The following DCC variants were observed in gnomAD, a reference collection of about 807,000 sequenced individuals.
DCC encodes the protein netrin receptor DCC.
Under a neutral mutation model 172.5 loss-of-function variants are expected in DCC, and 58 were observed. The observed-to-expected ratio is 0.34, with a 90% CI of 0.27 to 0.42. The LOEUF (loss-of-function observed/expected upper bound fraction) is 0.42, where lower values mean the gene tolerates loss of function less well. DCC is among the 10% of genes least tolerant of loss of function. The pLI, the probability that DCC is intolerant of heterozygous loss-of-function variation, is 1.00. For synonymous variants in DCC, 709 were observed against 644.5 expected (o/e 1.10, Z -1.52); for missense variants, 1,740 against 1,791.0 (o/e 0.97, Z 0.51).
At chr18:53,474,910 G>A (rs887462979) in intron 25 of DCC, among the ~76,000 whole-genome samples, 5 of 152,216 alleles carry the variant, frequency 3.3e-5, no homozygotes, top group Non-Finnish European at 7.3e-5. Context: ...CTTGTTGAAT[G>A]GCTTTGGCCA....
intron 2 of DCC, among the ~76,000 whole-genome samples, chr18:52,808,938 C>T (rs751824339): frequency 6.6e-6 from 1 of 152,136 alleles, no homozygotes; most frequent in Non-Finnish European, 1.5e-5. Flanking sequence ...AAATTTTTGG[C>T]ATGGGGATCT....
Position 53,271,594 on chromosome 18 carries a change from C to T in DCC, c.1912-33984C>T, listed in dbSNP as rs113590931. Among the ~76,000 whole-genome samples, 78 of 152,282 alleles carry T rather than the reference C, an allele frequency of 5.1e-4. 1 individual carries two copies. The highest frequency in any genetic ancestry group is 1.4e-3 in the African/African-American group (60 of 41,564). On this transcript the variant is annotated intron_variant, in intron 12 of 28. Coordinates refer to ENST00000442544, the MANE Select transcript of DCC (RefSeq NM_005215.4). ...GACATCTGTTCCTTGCTCCATGGACCTCTCCATAGGGCAGGTCATAGCAAG... is the reference window on the plus strand; with the variant it reads ...GACATCTGTTCCTTGCTCCATGGACTTCTCCATAGGGCAGGTCATAGCAAG...
intron 12 of DCC, among the ~76,000 whole-genome samples, chr18:53,230,218 A>T (rs915481447): frequency 6.6e-6 from 1 of 152,120 alleles, no homozygotes; most frequent in Non-Finnish European, 1.5e-5. Context: ...AATTATAGAC[A>T]TTTATCCTGC....
intron 1 of DCC, among the ~76,000 whole-genome samples, chr18:52,411,042 C>T (rs752948643): frequency 6.6e-6 from 1 of 152,124 alleles, no homozygotes; most frequent in Admixed American, 6.6e-5. Flanking sequence ...CAGTTTACTT[C>T]GGAATTCATA....
chr18:52,983,750 A>T (rs117454086), intron 5 of DCC, among the ~76,000 whole-genome samples: 40 of 152,324 alleles, frequency 2.6e-4, no homozygotes, highest in Non-Finnish European at 4.6e-4. Flanking sequence ...TGCCTAGAGC[A>T]GTCTGGAATT....
intron 12 of DCC, among the ~76,000 whole-genome samples, chr18:53,233,087 C>G (rs1409004013): frequency 6.6e-6 from 1 of 152,000 alleles, no homozygotes; most frequent in Non-Finnish European, 1.5e-5. Flanking sequence ...CTCATATAGT[C>G]CTGATGAACT....
At chr18:53,381,597 G>A (rs987584526) in intron 15 of DCC, among the ~76,000 whole-genome samples, 4 of 107,184 alleles carry the variant, frequency 3.7e-5, no homozygotes, top group African/African-American at 7.5e-5. Flanking sequence ...ATCATATAAA[G>A]TTTCTAGTTT....
intron 2 of DCC, among the ~76,000 whole-genome samples, chr18:52,836,965 C>G (rs2038717924): frequency 6.6e-6 from 1 of 152,220 alleles, no homozygotes; most frequent in African/African-American, 2.4e-5. Context: ...GCAGAGCTTT[C>G]CAAACCTCAA....
intron 1 of DCC, among the ~76,000 whole-genome samples, chr18:52,399,175 C>A (rs889853387): frequency 3.3e-5 from 5 of 151,872 alleles, no homozygotes; most frequent in Non-Finnish European, 7.4e-5. Flanking sequence ...TAGCAAGCTC[C>A]TTCACATATT....
At chr18:52,341,410 T>C (rs1441857036) in intron 1 of DCC, among the ~76,000 whole-genome samples, 8 of 152,164 alleles carry the variant, frequency 5.3e-5, no homozygotes, top group African/African-American at 1.9e-4. Context: ...CTAATATGTT[T>C]TGGTACTTCC....
chr18:53,204,669 A>G (rs1438288465), intron 9 of DCC, among the ~76,000 whole-genome samples: 1 of 152,228 alleles, frequency 6.6e-6, no homozygotes, highest in Non-Finnish European at 1.5e-5. Flanking sequence ...TAATACTAAA[A>G]AGTGGAATTG....
intron 23 of DCC, among the ~76,000 whole-genome samples, chr18:53,458,646 A>G (rs755780911): frequency 6.6e-6 from 1 of 152,212 alleles, no homozygotes; most frequent in Non-Finnish European, 1.5e-5. Context: ...GATCTGTCTC[A>G]CTGTGTTTGA....
intron 1 of DCC, among the ~76,000 whole-genome samples, chr18:52,573,064 T>C (rs989860528): frequency 6.6e-6 from 1 of 152,166 alleles, no homozygotes; most frequent in Non-Finnish European, 1.5e-5. Context: ...AGAAACACCT[T>C]TGCATTGTCT....
At chr18:52,841,086 T>A (rs1031262307) in intron 2 of DCC, among the ~76,000 whole-genome samples, 1 of 152,170 alleles carries the variant, frequency 6.6e-6, no homozygotes, top group Non-Finnish European at 1.5e-5. Context: ...GGAGAAGTAG[T>A]CATTCATCTG....
intron 1 of DCC, among the ~76,000 whole-genome samples, chr18:52,403,845 CCTT>C (rs890939231): frequency 3.9e-5 from 6 of 152,110 alleles, no homozygotes; most frequent in Admixed American, 3.9e-4. Flanking sequence ...TAAAAGCAGG[CCTT>C]CTTTAATGTA....
chr18:53,016,296 T>C (rs1361904188), intron 5 of DCC, among the ~76,000 whole-genome samples: 1 of 152,074 alleles, frequency 6.6e-6, no homozygotes, highest in Non-Finnish European at 1.5e-5. Flanking sequence ...AAACCATTGA[T>C]AAAAAATTAT....
intron 2 of DCC, among the ~76,000 whole-genome samples, chr18:52,775,490 T>A (rs1314997230): frequency 6.6e-6 from 1 of 152,076 alleles, no homozygotes; most frequent in Non-Finnish European, 1.5e-5. Flanking sequence ...GGAGAATGAG[T>A]GCAAAGTTTT....
At chr18:53,088,229 G>A (rs547460220) in intron 7 of DCC, among the ~76,000 whole-genome samples, 3 of 152,208 alleles carry the variant, frequency 2.0e-5, no homozygotes, top group East Asian at 1.9e-4. Context: ...TTCCTCCTAC[G>A]CATGAGCATG....
At chr18:52,894,023 G>T (rs1479294874) in intron 2 of DCC, among the ~76,000 whole-genome samples, 1 of 152,120 alleles carries the variant, frequency 6.6e-6, no homozygotes, top group Non-Finnish European at 1.5e-5. Flanking sequence ...GCAGTCTTTA[G>T]ATTCACTGTT....
Sources: gnomAD v4.1 joint callset for allele counts (sites outside exome capture counted in the v4.1 genomes callset) on GRCh38, gnomAD v4.1.1 for gene constraint, MANE v1.5 for transcripts, NCBI Gene and HGNC (gene_info 2026-07-23, HGNC 2026-07-21) for gene names.